The following UBE2E1 variants were observed in gnomAD, a reference collection of about 807,000 sequenced individuals.
The protein encoded by UBE2E1 is ubiquitin-conjugating enzyme E2 E1.
In UBE2E1, 6 loss-of-function variants were observed where a neutral mutation model predicts 21.4. That is an observed-to-expected ratio of 0.28 (90% confidence interval 0.15 to 0.55). The LOEUF (loss-of-function observed/expected upper bound fraction) is 0.55. Ranked by LOEUF, UBE2E1 falls within the 20% of genes least tolerant of loss-of-function variation. The pLI is 0.93. For synonymous variants in UBE2E1, 87 were observed against 82.7 expected, an observed-to-expected ratio of 1.05 and a Z score of -0.28; for missense variants, 142 against 236.5, an observed-to-expected ratio of 0.60 and a Z score of 2.62.
intron 5 of UBE2E1, 103 bp from the exon 6 acceptor site, chr3:23,890,406 C>G: frequency 9.7e-7 from 1 of 1,033,716 alleles, no homozygotes; most frequent in South Asian, 1.8e-5. Context: ...TGGGTTTGAT[C>G]ACACATACTT....
In UBE2E1 at chr3:23,876,919, C is replaced by T. The variant is rs140681171; in HGVS notation, c.204-10648C>T. 6.6e-6 allele frequency among the ~76,000 whole-genome samples: 1 copy of T among 152,158 alleles called. No individual in the cohort carries two copies. The highest frequency in any genetic ancestry group is 2.1e-4 in the South Asian group (1 of 4,830). ...ATTAGCCAGGTGTGGTGATGCACGCCTGTAATCCTAGCAACTCAGGAGGCT... is the reference window on the plus strand; with the variant it reads ...ATTAGCCAGGTGTGGTGATGCACGCTTGTAATCCTAGCAACTCAGGAGGCT... On this transcript the variant is annotated intron_variant, in intron 3 of 5. Coordinates refer to ENST00000306627, the MANE Select transcript of UBE2E1 (RefSeq NM_003341.5). This position sits in a 1 kb window ranked among gnomAD's most constrained non-coding sequence, Gnocchi z 4.3.
intron 3 of UBE2E1, among the ~76,000 whole-genome samples, chr3:23,833,896 G>A (rs796872688): frequency 2.6e-5 from 4 of 152,274 alleles, no homozygotes; most frequent in African/African-American, 9.6e-5. Context: ...TACTCGAGAG[G>A]CTGAGGTGGG....
chr3:23,890,393 A>C (rs1251796443), intron 5 of UBE2E1, 116 bp from the exon 6 acceptor site: 5 of 867,140 alleles, frequency 5.8e-6, no homozygotes. Flanking sequence ...GGTGTTTCGA[A>C]GATGGGTTTG....
At chr3:23,828,825 T>G (rs1167283281) in intron 3 of UBE2E1, among the ~76,000 whole-genome samples, 1 of 152,246 alleles carries the variant, frequency 6.6e-6, no homozygotes. Flanking sequence ...TTATGTGATT[T>G]CAGTGTTTTC....
intron 3 of UBE2E1, among the ~76,000 whole-genome samples, chr3:23,866,918 T>C (rs1436148939): frequency 6.6e-6 from 1 of 152,196 alleles, no homozygotes; most frequent in African/African-American, 2.4e-5. Flanking sequence ...TTGTGTTGAG[T>C]CCAAAGACAG....
rs1701209159 is a variant in UBE2E1 at position 23,887,274 on chromosome 3, T to C, written c.204-293T>C. ...TGAGATGTGTTTCCCATTTTAAGTATTGTTTACACTTTCCTACGTGTCCAG... is the reference window on the plus strand; with the variant it reads ...TGAGATGTGTTTCCCATTTTAAGTACTGTTTACACTTTCCTACGTGTCCAG... On this transcript the variant is annotated intron_variant, in intron 3 of 5. Coordinates refer to ENST00000306627, the MANE Select transcript of UBE2E1 (RefSeq NM_003341.5). This position sits in a 1 kb window ranked among gnomAD's most constrained non-coding sequence, Gnocchi z 4.4. Among the ~76,000 whole-genome samples, 1 of 152,220 alleles carries C rather than the reference T, an allele frequency of 6.6e-6. No individual in the cohort carries two copies. Among genetic ancestry groups the C allele is most frequent in the Admixed American group, 6.5e-5 (1 of 15,288 alleles).
intron 3 of UBE2E1, among the ~76,000 whole-genome samples, chr3:23,845,585 C>CTGTGTGTGTGTGTGTGTG (rs71620797): frequency 0.04 from 3,906 of 96,854 alleles, 79 homozygotes; most frequent in Admixed American, 0.065. Flanking sequence ...CTCTCTCTCT[C>CTGTGTGTGTGTGTGTGTG]TCTCTGTGTG....
Position 23,816,428 on chromosome 3 carries a change from T to G in UBE2E1, c.203+4918T>G, listed in dbSNP as rs564732186. 2.6e-5 allele frequency among the ~76,000 whole-genome samples: 4 copies of G among 152,278 alleles called. No individual in the cohort carries two copies. The South Asian group carries it at 6.2e-4, about 24-fold the overall frequency. Reference sequence around the variant, plus strand: ...AACCTTAATGTTATACTAAGTGGGCTGGGCGCAGTGGATTACGCTTGTAAT... The same window carrying G: ...AACCTTAATGTTATACTAAGTGGGCGGGGCGCAGTGGATTACGCTTGTAAT... On this transcript the variant is annotated intron_variant, in intron 3 of 5. Coordinates refer to ENST00000306627, the MANE Select transcript of UBE2E1 (RefSeq NM_003341.5). This position sits in a 1 kb window ranked among gnomAD's most constrained non-coding sequence, Gnocchi z 4.8.
intron 3 of UBE2E1, among the ~76,000 whole-genome samples, chr3:23,874,131 A>G (rs552369733): frequency 9.8e-5 from 15 of 152,386 alleles, no homozygotes; most frequent in Admixed American, 9.8e-4. Flanking sequence ...TGGAAGCTGC[A>G]TAAGGAGCTG....
rs1439609961 is a variant in UBE2E1 at position 23,870,145 on chromosome 3, C to T, written c.204-17422C>T. 2.6e-5 allele frequency among the ~76,000 whole-genome samples: 4 copies of T among 152,112 alleles called. No individual in the cohort carries two copies. Among genetic ancestry groups the T allele is most frequent in the African/African-American group, 4.8e-5 (2 of 41,406 alleles). On this transcript the variant is annotated intron_variant, in intron 3 of 5. Transcript: ENST00000306627. This position sits in a 1 kb window ranked among gnomAD's most constrained non-coding sequence, Gnocchi z 4.2. The stretch of plus-strand genomic sequence containing the variant: ...CACCTTGGGCTTCTTGGCTAATTCT[C>T]ATTCTTGATGTGGTCTCTTCACACG...
chr3:23,885,791 C>T (rs149096516), intron 3 of UBE2E1, among the ~76,000 whole-genome samples: 4 of 152,192 alleles, frequency 2.6e-5, no homozygotes, highest in Middle Eastern at 3.4e-3. Flanking sequence ...ACCCGGGAGG[C>T]GGAGGTTGCA....
chr3:23,861,682 G>T (rs1338937288), intron 3 of UBE2E1, among the ~76,000 whole-genome samples: 1 of 152,238 alleles, frequency 6.6e-6, no homozygotes, highest in Non-Finnish European at 1.5e-5. Context: ...GGAATGCACT[G>T]GTGTAGGAGC....
At chr3:23,875,373 A>G (rs1036784589) in intron 3 of UBE2E1, among the ~76,000 whole-genome samples, 4 of 152,204 alleles carry the variant, frequency 2.6e-5, no homozygotes, top group African/African-American at 9.6e-5. Flanking sequence ...ACTACCCCCT[A>G]GAGACTTAAA....
intron 3 of UBE2E1, among the ~76,000 whole-genome samples, chr3:23,835,999 A>G (rs1699967813): frequency 6.6e-6 from 1 of 152,210 alleles, no homozygotes; most frequent in African/African-American, 2.4e-5. Flanking sequence ...TGCTGCTTTT[A>G]TGATCTAGTT....
intron 3 of UBE2E1, among the ~76,000 whole-genome samples, chr3:23,847,812 A>G (rs909881895): frequency 3.9e-5 from 6 of 152,188 alleles, no homozygotes; most frequent in African/African-American, 9.7e-5. Context: ...TGTTATTTGG[A>G]AATAATGCAC....
chr3:23,811,720 T>C (rs1369737905), intron 3 of UBE2E1, among the ~76,000 whole-genome samples: 1 of 152,210 alleles, frequency 6.6e-6, no homozygotes, highest in African/African-American at 2.4e-5. Flanking sequence ...GTAATGGATT[T>C]ATTTGGAGTG....
intron 3 of UBE2E1, among the ~76,000 whole-genome samples, chr3:23,826,171 T>C (rs945871629): frequency 6.6e-6 from 1 of 152,234 alleles, no homozygotes; most frequent in Non-Finnish European, 1.5e-5. Flanking sequence ...TATGTAACAG[T>C]TCTATTATAT....
chr3:23,880,605 A>C (rs892031475), intron 3 of UBE2E1, among the ~76,000 whole-genome samples: 1 of 152,226 alleles, frequency 6.6e-6, no homozygotes, highest in East Asian at 1.9e-4. Context: ...GATGTTCTTT[A>C]AAAGAAATCA....
chr3:23,850,911 C>T (rs1700310996), intron 3 of UBE2E1, among the ~76,000 whole-genome samples: 1 of 147,516 alleles, frequency 6.8e-6, no homozygotes, highest in Non-Finnish European at 1.5e-5. Context: ...GTCTTGAATT[C>T]CTGGGCCCAA....
Sources: gnomAD v4.1 joint callset for allele counts (sites outside exome capture counted in the v4.1 genomes callset) on GRCh38, gnomAD v4.1.1 for gene constraint, Gnocchi (gnomAD v3.1) non-coding constraint, MANE v1.5 for transcripts, NCBI Gene and HGNC (gene_info 2026-07-23, HGNC 2026-07-21) for gene names.